The following CRTAC1 variants were observed in gnomAD, a reference collection of about 807,000 sequenced individuals.
CRTAC1 encodes the protein cartilage acidic protein 1.
CRTAC1 carries 37 observed loss-of-function variants against 67.8 expected under a neutral mutation model. The observed-to-expected ratio is 0.55, with a 90% CI of 0.42 to 0.72. The LOEUF is 0.72. CRTAC1 is among the 30% of genes least tolerant of loss of function. The probability of loss-of-function intolerance (pLI) is 0.00; values close to 1 mark genes in which losing one functional copy is unlikely to be tolerated. For synonymous variants in CRTAC1, 348 were observed against 371.0 expected, an observed-to-expected ratio of 0.94 and a Z score of 0.71; for missense variants, 780 against 931.6, an observed-to-expected ratio of 0.84 and a Z score of 2.12.
chr10:97,987,856 C>T (rs893756262), intron 2 of CRTAC1, among the ~76,000 whole-genome samples: 1 of 152,128 alleles, frequency 6.6e-6, no homozygotes. Flanking sequence ...TAGGAACAGA[C>T]CCCCTTTGCA....
chr10:97,890,766 C>A (rs2136550148), intron 11 of CRTAC1, among the ~76,000 whole-genome samples: 1 of 151,384 alleles, frequency 6.6e-6, no homozygotes, highest in South Asian at 2.1e-4. Flanking sequence ...CTCCTGGGTT[C>A]AAGTGACTCT....
chr10:97,983,881 T>C (rs1184378972), intron 2 of CRTAC1, among the ~76,000 whole-genome samples: 2 of 152,234 alleles, frequency 1.3e-5, no homozygotes, highest in Non-Finnish European at 2.9e-5. Context: ...ACACACAGCA[T>C]ACACACATTT....
At chr10:97,889,460 G>GC (rs1554913318) in intron 11 of CRTAC1, among the ~76,000 whole-genome samples, 1 of 149,892 alleles carries the variant, frequency 6.7e-6, no homozygotes, top group Non-Finnish European at 1.5e-5. Context: ...TGGTGGGGGG[G>GC]GGTCCACTGA....
At chr10:98,001,741 C>T (rs760140887) in intron 2 of CRTAC1, among the ~76,000 whole-genome samples, 2 of 152,170 alleles carry the variant, frequency 1.3e-5, no homozygotes, top group African/African-American at 2.4e-5. Context: ...TGGGAATGTT[C>T]GTTTTTAGCT....
intron 2 of CRTAC1, among the ~76,000 whole-genome samples, chr10:97,974,325 G>T (rs937949607): frequency 2.0e-5 from 3 of 152,118 alleles, no homozygotes; most frequent in African/African-American, 7.2e-5. Flanking sequence ...CGTAACAGGC[G>T]GACTCACTTT....
chr10:97,873,939 G>T (rs1030064080), intron 14 of CRTAC1, among the ~76,000 whole-genome samples: 3 of 152,200 alleles, frequency 2.0e-5, no homozygotes, highest in Non-Finnish European at 4.4e-5. Context: ...GACCAAGTAT[G>T]GTTCTTCTGT....
intron 1 of CRTAC1, among the ~76,000 whole-genome samples, chr10:98,012,910 C>G (rs1842934045): frequency 6.6e-6 from 1 of 152,196 alleles, no homozygotes; most frequent in Non-Finnish European, 1.5e-5. Flanking sequence ...GCATCTTCTA[C>G]TGGGTTTTCT....
rs748410434 is a variant in CRTAC1, at chr10:97,895,354, C to T, written c.1377G>A (p.Arg459=). ...VPRTRFGAFA[R]GAKVVLYTKK... ...TGGTGTAGAGCACGACCTTAGCTCCCCTGGCAAAGGCCCCAAACCGGGTGC... is the reference window on the plus strand; with the variant it reads ...TGGTGTAGAGCACGACCTTAGCTCCTCTGGCAAAGGCCCCAAACCGGGTGC... The change falls in exon 11 of 15, where the codon AGG becomes AGA. Residue 459 remains arginine (R), a synonymous_variant. Coordinates refer to ENST00000370597, the MANE Select transcript of CRTAC1 (RefSeq NM_018058.7). This position sits in a 1 kb window ranked among gnomAD's most constrained non-coding sequence, Gnocchi z 4.2. 1 of 1,612,792 alleles carries T rather than the reference C, an allele frequency of 6.2e-7. No individual in the cohort carries two copies. The highest frequency in any genetic ancestry group is 1.1e-5 in the South Asian group (1 of 90,954).
intron 14 of CRTAC1, among the ~76,000 whole-genome samples, chr10:97,872,604 T>G (rs915576592): frequency 6.6e-6 from 1 of 152,180 alleles, no homozygotes; most frequent in Non-Finnish European, 1.5e-5. Flanking sequence ...TGAATTACTG[T>G]GAGTGAATCA....
intron 2 of CRTAC1, among the ~76,000 whole-genome samples, chr10:97,994,008 C>A (rs1355721309): frequency 3.9e-5 from 6 of 152,040 alleles, no homozygotes; most frequent in African/African-American, 1.4e-4. Context: ...AGGCATGCAC[C>A]ACCATGCCTG....
At chr10:97,940,517 G>A (rs531095006) in intron 2 of CRTAC1, among the ~76,000 whole-genome samples, 1 of 152,376 alleles carries the variant, frequency 6.6e-6, no homozygotes, top group South Asian at 2.1e-4. Context: ...TGGGCTCAGT[G>A]GCAACTGTAA....
chr10:98,008,170 G>A (rs1842830873), intron 2 of CRTAC1, among the ~76,000 whole-genome samples: 1 of 152,106 alleles, frequency 6.6e-6, no homozygotes, highest in African/African-American at 2.4e-5. Flanking sequence ...CCAGCCCTGG[G>A]GCCAAGACCT....
At chr10:97,950,007 T>C (rs898492149) in intron 2 of CRTAC1, among the ~76,000 whole-genome samples, 1 of 152,224 alleles carries the variant, frequency 6.6e-6, no homozygotes, top group African/African-American at 2.4e-5. Flanking sequence ...ATTACTGTTA[T>C]TACCTGTGTA....
At position 97,908,264 on chromosome 10, in the gene CRTAC1, G is replaced by T. The variant is rs999680647; in HGVS notation, c.716-117C>A. On this transcript the variant is annotated intron_variant, in intron 5 of 14. Coordinates refer to ENST00000370597, the MANE Select transcript of CRTAC1 (RefSeq NM_018058.7). ...CAGCAGAGGCTCCTCAGAGGAGCCT[G>T]GGGGGAATTCTGCTTCCCGTGCTTT... 4 of 1,096,058 alleles carry T rather than the reference G, an allele frequency of 3.6e-6. No individual in the cohort carries two copies. The East Asian group carries it at 9.9e-5, about 27-fold the overall frequency. 67.9% of individuals were successfully genotyped at this position (1,096,058 alleles called of 1,614,324 possible).
intron 14 of CRTAC1, chr10:97,868,853 A>G (rs2050057669): frequency 6.6e-6 from 1 of 152,168 alleles, no homozygotes; most frequent in African/African-American, 2.4e-5. Context: ...AATGGTAATC[A>G]TAATAATAAT....
chr10:97,869,376 G>C (rs1263935309), intron 14 of CRTAC1: 2 of 152,408 alleles, frequency 1.3e-5, no homozygotes, highest in East Asian at 1.9e-4. Context: ...CCGGGGTCTG[G>C]CTGTAGCCAT....
At chr10:97,924,152 C>T (rs1055775358) in intron 3 of CRTAC1, among the ~76,000 whole-genome samples, 2 of 152,084 alleles carry the variant, frequency 1.3e-5, no homozygotes, top group Admixed American at 6.5e-5. Context: ...TTCTGGAGCT[C>T]GTTCGTGACT....
chr10:98,013,339 G>T (rs1450309780), intron 1 of CRTAC1, among the ~76,000 whole-genome samples: 3 of 152,174 alleles, frequency 2.0e-5, no homozygotes, highest in Admixed American at 2.0e-4. Context: ...AGGGAGGCTG[G>T]CCCCATTCAG....
chr10:97,886,392 C>T (rs1300194120), intron 11 of CRTAC1, among the ~76,000 whole-genome samples: 1 of 152,228 alleles, frequency 6.6e-6, no homozygotes, highest in African/African-American at 2.4e-5. Context: ...CCCTCATGGG[C>T]ACAGCAGGCA....
Sources: gnomAD v4.1 joint callset for allele counts (sites outside exome capture counted in the v4.1 genomes callset) on GRCh38, gnomAD v4.1.1 for gene constraint, Gnocchi (gnomAD v3.1) non-coding constraint, MANE v1.5 for transcripts, NCBI Gene and HGNC (gene_info 2026-07-23, HGNC 2026-07-21) for gene names.